Variants in RPGRIP1L observed in about 807,000 individuals in gnomAD.
The protein encoded by RPGRIP1L is protein fantom.
A neutral mutation model predicts 160.4 loss-of-function variants in RPGRIP1L; 131 were observed. That is an observed-to-expected ratio of 0.82 (90% CI 0.71 to 0.94). RPGRIP1L has a LOEUF of 0.94. Among genes scored for constraint, RPGRIP1L ranks in the 40% least tolerant of loss-of-function variants. The pLI, the probability that RPGRIP1L is intolerant of heterozygous loss-of-function variation, is 0.00. For missense variants in RPGRIP1L, 1,522 were observed against 1,535.8 expected (o/e 0.99, Z 0.15); for synonymous variants, 510 against 515.8 (o/e 0.99, Z 0.15).
intron 2 of RPGRIP1L, among the ~76,000 whole-genome samples, chr16:53,697,332 TC>T (rs1970850036): frequency 1.3e-5 from 2 of 151,636 alleles, no homozygotes; most frequent in South Asian, 4.2e-4. Context: ...CCTCTCCCTC[TC>T]CCTCTCCCCA....
At chr16:53,682,144 T>G (rs1969657518) in intron 6 of RPGRIP1L, among the ~76,000 whole-genome samples, 1 of 152,182 alleles carries the variant, frequency 6.6e-6, no homozygotes, top group Non-Finnish European at 1.5e-5. Context: ...CAAGCAACAA[T>G]ATGCTATTCA....
At chr16:53,632,214 C>G (rs1965564173) in intron 22 of RPGRIP1L, among the ~76,000 whole-genome samples, 1 of 152,160 alleles carries the variant, frequency 6.6e-6, no homozygotes, top group Non-Finnish European at 1.5e-5. Context: ...AGAAAAGAAA[C>G]TGATCTTAAA....
intron 24 of RPGRIP1L, among the ~76,000 whole-genome samples, chr16:53,612,786 A>G (rs1305908398): frequency 6.6e-6 from 1 of 152,234 alleles, no homozygotes; most frequent in African/African-American, 2.4e-5. Context: ...TTAATATTTA[A>G]GTATTCAGTT....
chr16:53,675,815 T>A (rs1367764956), intron 6 of RPGRIP1L, among the ~76,000 whole-genome samples: 1 of 152,130 alleles, frequency 6.6e-6, no homozygotes, highest in East Asian at 1.9e-4. Flanking sequence ...TTAAAGCAAA[T>A]GTAGAATTTA....
intron 10 of RPGRIP1L, among the ~76,000 whole-genome samples, chr16:53,660,253 A>G (rs1462941700): frequency 6.6e-6 from 1 of 152,176 alleles, no homozygotes; most frequent in African/African-American, 2.4e-5. Context: ...TGTCATCTAA[A>G]GTATCTCTAC....
Position 53,645,908 on chromosome 16 carries a change from G to A in RPGRIP1L, c.2400C>T (p.Asn800=). Reference sequence around the variant, plus strand: ...GGTGGCTTGCTCGGGACTGCAGGTGGTTGCAACATCTTATTGTAATGTGAA... The same window carrying A: ...GGTGGCTTGCTCGGGACTGCAGGTGATTGCAACATCTTATTGTAATGTGAA... ...NELHITIRCC[N]HLQSRASHLQ... Residue 800 remains asparagine, a synonymous_variant, in exon 17 of 27, where the codon AAC becomes AAT. Transcript: ENST00000647211. The A allele has an allele frequency of 6.2e-7, 1 of 1,614,130 alleles. No homozygotes were observed. Among genetic ancestry groups the A allele is most frequent in the Non-Finnish European group, 8.5e-7 (1 of 1,180,018 alleles).
At position 53,619,151 on chromosome 16, in the gene RPGRIP1L, T is replaced by C; in HGVS notation, c.3490A>G (p.Thr1164Ala). ...AGCCGTTGGATAGTGTCATCCATGG[T>C]TACTTGAGAATCATTAAGGCTTAGA... is the stretch of plus-strand genomic sequence containing the variant. ...IALSLNDSQV[T>A]MDDTIQRLFV... is the part of the protein sequence containing the mutation. The change falls in exon 24 of 27, where the codon ACC (threonine) becomes GCC (alanine). Residue 1164 changes from threonine to alanine, a missense_variant. By Grantham distance (58) the Thr-to-Ala change is moderately conservative. Transcript: ENST00000647211. 1.9e-6 allele frequency: 3 copies of C among 1,614,030 alleles called. No homozygotes were observed. The highest frequency in any genetic ancestry group is 2.5e-6 in the Non-Finnish European group (3 of 1,179,982).
intron 15 of RPGRIP1L, among the ~76,000 whole-genome samples, chr16:53,649,629 A>G (rs1296694046): frequency 1.3e-5 from 2 of 152,194 alleles, no homozygotes; most frequent in Non-Finnish European, 2.9e-5. Context: ...TGCCAAATAC[A>G]TGTCCCATGC....
In RPGRIP1L at chr16:53,658,821, T is replaced by C. The variant is rs1176573181; in HGVS notation, c.1301A>G (p.Gln434Arg). The change falls in exon 11 of 27, where the codon CAA (glutamine) becomes CGA (arginine). Residue 434 changes from glutamine to arginine, a missense_variant. Coordinates refer to ENST00000647211, the MANE Select transcript of RPGRIP1L (RefSeq NM_015272.5). ...TTTAAGTTCATCAAGTTGTTGCTTT[T>C]GTTCCAGATACTGTAACTGTAGTTC... is the stretch of plus-strand genomic sequence containing the variant. ...NRELQLQYLE[Q>R]KQQLDELKKR... The C allele has an allele frequency of 6.2e-7, 1 of 1,609,644 alleles. No homozygotes were observed.
At chr16:53,672,723 C>T in intron 8 of RPGRIP1L, 147 bp downstream of exon 8, 1 of 670,434 alleles carries the variant, frequency 1.5e-6, no homozygotes. Context: ...CATATATTAA[C>T]AACTATATTT....
chr16:53,622,799 CCACACACACACACACACACACACA>C (rs201959082), intron 22 of RPGRIP1L, among the ~76,000 whole-genome samples: 4 of 135,808 alleles, frequency 2.9e-5, no homozygotes, highest in Admixed American at 7.3e-5. Context: ...AAAACAAAAA[CCACACACACACACACACACACACA>C]CACACACACA....
At chr16:53,680,042 A>G (rs1405144320) in intron 6 of RPGRIP1L, among the ~76,000 whole-genome samples, 1 of 151,996 alleles carries the variant, frequency 6.6e-6, no homozygotes, top group Non-Finnish European at 1.5e-5. Context: ...AGATCTTCCT[A>G]AGTTTTAACT....
chr16:53,672,933 TA>T lies in RPGRIP1L; in HGVS notation c.965del (p.Leu322Ter). ...ELNMQLKEQRLKCCSLEKQLH... is the reference protein window; with the variant it reads ...ELNMQLKEQRXKCCSLEKQLH... ...ATTGTTTCTCAAGACTGCAGCATTT[TA>T]AACGCTGCTCTTTAAGTTGCATGTT... On this transcript the variant is annotated frameshift_variant, in exon 8 of 27. Transcript: ENST00000647211. LOFTEE classifies it high-confidence loss of function. 6.2e-7 allele frequency: 1 copy of T among 1,612,604 alleles called. No individual in the cohort carries two copies. Among genetic ancestry groups the T allele is most frequent in the South Asian group, 1.1e-5 (1 of 91,050 alleles).
At position 53,700,686 on chromosome 16, in the gene RPGRIP1L, G is replaced by A. The variant is rs1439235803; in HGVS notation, c.38C>T (p.Pro13Leu). The change falls in exon 2 of 27, where the codon CCT becomes CTT. Residue 13 changes from proline to leucine, a missense_variant. Pro to Leu is a moderately conservative substitution (Grantham distance 98). Coordinates refer to ENST00000647211, the MANE Select transcript of RPGRIP1L (RefSeq NM_015272.5). ...GPTDETAGDL[P>L]VKDTGLNLFG... Reference sequence around the variant, plus strand: ...GAGGTTTAGACCTGTATCTTTCACAGGCAAGTCTCCTGCAGTCTCATCAGT... The same window carrying A: ...GAGGTTTAGACCTGTATCTTTCACAAGCAAGTCTCCTGCAGTCTCATCAGT... 6.2e-7 allele frequency: 1 copy of A among 1,613,584 alleles called. No homozygotes were observed. Among genetic ancestry groups the A allele is most frequent in the Non-Finnish European group, 8.5e-7 (1 of 1,179,796 alleles).
At chr16:53,684,072 T>C (rs1490975139) in intron 6 of RPGRIP1L, among the ~76,000 whole-genome samples, 4 of 152,202 alleles carry the variant, frequency 2.6e-5, no homozygotes, top group South Asian at 2.1e-4. Context: ...AGAATGGTGA[T>C]CACTAAAAAT....
At chr16:53,689,444 C>T (rs1023531936) in intron 4 of RPGRIP1L, among the ~76,000 whole-genome samples, 2 of 152,200 alleles carry the variant, frequency 1.3e-5, no homozygotes, top group Non-Finnish European at 2.9e-5. Flanking sequence ...TCATTCTACT[C>T]TCTACCAATG....
intron 10 of RPGRIP1L, among the ~76,000 whole-genome samples, chr16:53,662,762 C>T (rs1967914024): frequency 6.6e-6 from 1 of 151,870 alleles, no homozygotes; most frequent in African/African-American, 2.4e-5. Context: ...GGTATTCAAA[C>T]AAAAATAACT....
At chr16:53,616,434 T>C (rs1328015817) in intron 24 of RPGRIP1L, among the ~76,000 whole-genome samples, 1 of 152,228 alleles carries the variant, frequency 6.6e-6, no homozygotes, top group Non-Finnish European at 1.5e-5. Flanking sequence ...TTAATATTAA[T>C]TATTTCTCAA....
chr16:53,616,408 G>A (rs1271978141), intron 24 of RPGRIP1L, among the ~76,000 whole-genome samples: 1 of 152,140 alleles, frequency 6.6e-6, no homozygotes, highest in African/African-American at 2.4e-5. Context: ...AATGAAAAAT[G>A]AAGCATTCAA....
Sources: allele counts gnomAD v4.1 joint callset (sites outside exome capture counted in the v4.1 genomes callset), GRCh38; gene constraint gnomAD v4.1.1; transcripts MANE v1.5; gene names NCBI Gene and HGNC (gene_info 2026-07-23, HGNC 2026-07-21).